The following TAS2R1 variants were observed in gnomAD, a reference collection of about 807,000 sequenced individuals.
TAS2R1 encodes taste 2 receptor member 1.
For synonymous variants in TAS2R1, 141 were observed against 134.2 expected, an observed-to-expected ratio of 1.05 and a Z score of -0.35; for missense variants, 370 against 353.4, an observed-to-expected ratio of 1.05 and a Z score of -0.38.
At chr5:9,886,337 T>C in the TAS2R1 span, among the ~76,000 whole-genome samples, 2 of 145,518 alleles carry the variant, frequency 1.4e-5, no homozygotes, top group Non-Finnish European at 3.0e-5. Context: ...CAGCATTTTT[T>C]TTTTTTTTTT....
chr5:9,894,439 A>C, the TAS2R1 span, among the ~76,000 whole-genome samples: 1 of 151,034 alleles, frequency 6.6e-6, no homozygotes, highest in Non-Finnish European at 1.5e-5. Flanking sequence ...GGACACACAA[A>C]CAGAGGCAGC....
At chr5:9,671,496 T>C (rs1740754213) in intron 1 of TAS2R1, among the ~76,000 whole-genome samples, 1 of 152,056 alleles carries the variant, frequency 6.6e-6, no homozygotes, top group African/African-American at 2.4e-5. Flanking sequence ...ACATCAACAA[T>C]GTCCAAGCTG....
At chr5:9,649,643 C>T (rs1008052258) in intron 2 of TAS2R1, among the ~76,000 whole-genome samples, 1 of 152,134 alleles carries the variant, frequency 6.6e-6, no homozygotes, top group South Asian at 2.1e-4. Flanking sequence ...CAAATATGCC[C>T]ATGCATGTTT....
At chr5:9,707,561 T>C (rs1741642270) in intron 1 of TAS2R1, among the ~76,000 whole-genome samples, 1 of 152,162 alleles carries the variant, frequency 6.6e-6, no homozygotes, top group African/African-American at 2.4e-5. Flanking sequence ...TGTGTGCCTG[T>C]AGTCCCAGCT....
At chr5:9,768,492 C>T in the TAS2R1 span, among the ~76,000 whole-genome samples, 1 of 152,290 alleles carries the variant, frequency 6.6e-6, no homozygotes, top group East Asian at 1.9e-4. Context: ...CCTATTCTAT[C>T]CTTGGTCACC....
the TAS2R1 span, among the ~76,000 whole-genome samples, chr5:9,901,653 T>G: frequency 6.6e-6 from 1 of 151,952 alleles, no homozygotes; most frequent in Non-Finnish European, 1.5e-5. Context: ...AAGAATGAAT[T>G]GGAAGGGGAA....
At chr5:9,869,128 C>A in the TAS2R1 span, among the ~76,000 whole-genome samples, 6 of 152,194 alleles carry the variant, frequency 3.9e-5, no homozygotes, top group Admixed American at 3.9e-4. Flanking sequence ...CTGTTCCAAC[C>A]TCTGCCTGTT....
At chr5:9,871,583 G>A in the TAS2R1 span, among the ~76,000 whole-genome samples, 1 of 152,114 alleles carries the variant, frequency 6.6e-6, no homozygotes, top group Non-Finnish European at 1.5e-5. Flanking sequence ...ACTCGGATGG[G>A]GGAAGCCTGT....
chr5:9,636,516 G>C (rs1162499120), intron 2 of TAS2R1, among the ~76,000 whole-genome samples: 1 of 152,002 alleles, frequency 6.6e-6, no homozygotes, highest in Non-Finnish European at 1.5e-5. Flanking sequence ...TTGATAAGCT[G>C]TCTAGTGCTA....
At chr5:9,742,410 C>A in the TAS2R1 span, among the ~76,000 whole-genome samples, 1 of 152,170 alleles carries the variant, frequency 6.6e-6, no homozygotes, top group Non-Finnish European at 1.5e-5. Context: ...TACCTCTACT[C>A]CCCTGAGAGA....
the TAS2R1 span, among the ~76,000 whole-genome samples, chr5:9,815,472 T>C: frequency 6.6e-6 from 1 of 152,218 alleles, no homozygotes; most frequent in Non-Finnish European, 1.5e-5. Context: ...AGATAGATAA[T>C]CTCCTATCTT....
the TAS2R1 span, among the ~76,000 whole-genome samples, chr5:9,874,003 AAAGG>A: frequency 0.16 from 24,656 of 149,874 alleles, 2,248 homozygotes; most frequent in Non-Finnish European, 0.2. Context: ...AGGAAGGAAG[AAAGG>A]AAGGAAGGGA....
chr5:9,719,205 T>C, the TAS2R1 span, among the ~76,000 whole-genome samples: 2 of 152,194 alleles, frequency 1.3e-5, no homozygotes, highest in African/African-American at 4.8e-5. Context: ...ATGATACACA[T>C]AACTTATCTG....
the TAS2R1 span, among the ~76,000 whole-genome samples, chr5:9,733,961 T>A: frequency 6.6e-6 from 1 of 152,190 alleles, no homozygotes; most frequent in Non-Finnish European, 1.5e-5. Context: ...TGTGCTATCA[T>A]CCAAATGTTG....
At chr5:9,765,918 C>T in the TAS2R1 span, among the ~76,000 whole-genome samples, 224 of 152,280 alleles carry the variant, frequency 1.5e-3, no homozygotes, top group Non-Finnish European at 2.5e-3. Flanking sequence ...TATAGGTGGC[C>T]TAAGGCAATG....
chr5:9,699,732 G>C (rs917625248), intron 1 of TAS2R1, among the ~76,000 whole-genome samples: 5 of 152,160 alleles, frequency 3.3e-5, no homozygotes, highest in Non-Finnish European at 7.3e-5. Flanking sequence ...CAGCCACCTT[G>C]CCTTTCTTCT....
chr5:9,871,440 G>A, the TAS2R1 span, among the ~76,000 whole-genome samples: 5 of 152,060 alleles, frequency 3.3e-5, no homozygotes, highest in African/African-American at 9.7e-5. Context: ...TGACTTCCTG[G>A]TACCACCCAA....
the TAS2R1 span, among the ~76,000 whole-genome samples, chr5:9,791,764 G>T: frequency 6.6e-6 from 1 of 152,126 alleles, no homozygotes; most frequent in Non-Finnish European, 1.5e-5. Context: ...AGATTCATTT[G>T]GTTTAGGGTA....
the TAS2R1 span, among the ~76,000 whole-genome samples, chr5:9,892,664 C>T: frequency 2.0e-5 from 3 of 152,168 alleles, no homozygotes; most frequent in Admixed American, 6.5e-5. Flanking sequence ...ATTCCCTGCA[C>T]TTGACCCCCC....
Sources: allele counts gnomAD v4.1 joint callset (sites outside exome capture counted in the v4.1 genomes callset), GRCh38; gene constraint gnomAD v4.1.1; transcripts MANE v1.5; gene names NCBI Gene and HGNC (gene_info 2026-07-23, HGNC 2026-07-21).